The following ACTR5 variants were observed in gnomAD, a reference collection of about 807,000 sequenced individuals.
The protein encoded by ACTR5 is actin related protein 5, also known as actin-related protein 5.
In ACTR5, 43 loss-of-function variants were observed where a neutral mutation model predicts 61.2. That is an observed-to-expected ratio of 0.70 (90% CI 0.55 to 0.91). The LOEUF (loss-of-function observed/expected upper bound fraction) is 0.91, where lower values mean the gene tolerates loss of function less well. Ranked by LOEUF, ACTR5 falls within the 40% of genes least tolerant of loss-of-function variation. The pLI is 0.00. For synonymous variants in ACTR5, 333 were observed against 310.5 expected (o/e 1.07, Z -0.76); for missense variants, 798 against 782.2 (o/e 1.02, Z -0.24).
intron 5 of ACTR5, among the ~76,000 whole-genome samples, chr20:38,765,114 G>A (rs1032557817): frequency 6.6e-6 from 1 of 152,192 alleles, no homozygotes; most frequent in African/African-American, 2.4e-5. Flanking sequence ...AGTCTTCCAC[G>A]GGGCCCAGCC....
In ACTR5 at chr20:38,755,042, C is replaced by T. The variant is rs750199504; in HGVS notation, c.861C>T (p.Ser287=). ...QLPFSSKLLG[S]TLTSEEKQER... ...CATTTTCCAGCAAGCTCCTGGGCAGCACTCTGACCTCTGAGGAGAAACAAG... is the reference window on the plus strand; with the variant it reads ...CATTTTCCAGCAAGCTCCTGGGCAGTACTCTGACCTCTGAGGAGAAACAAG... The change falls in exon 4 of 9, where the codon AGC becomes AGT. Residue 287 remains serine, a synonymous_variant. Coordinates refer to ENST00000243903, the MANE Select transcript of ACTR5 (RefSeq NM_024855.4). 3.1e-6 allele frequency: 5 copies of T among 1,614,136 alleles called. No homozygotes were observed. The South Asian group carries it at 3.3e-5, about 11-fold the overall frequency.
chr20:38,752,318 T>A lies in ACTR5; in HGVS notation c.775+18T>A. The A allele has an allele frequency of 6.3e-7, 1 of 1,576,752 alleles. No homozygotes were observed. The highest frequency in any genetic ancestry group is 1.1e-5 in the South Asian group (1 of 88,630). On this transcript the variant is annotated intron_variant, in intron 3 of 8. Coordinates refer to ENST00000243903, the MANE Select transcript of ACTR5 (RefSeq NM_024855.4). ...TGTGGAAGGTATCCAAGAGGATGTTTGCCTGCAGCTTTTGGGTGTTGTCTA... is the reference window on the plus strand; with the variant it reads ...TGTGGAAGGTATCCAAGAGGATGTTAGCCTGCAGCTTTTGGGTGTTGTCTA...
At chr20:38,761,958 T>C (rs779876679) in intron 5 of ACTR5, 1 of 152,224 alleles carries the variant, frequency 6.6e-6, no homozygotes, top group Admixed American at 6.5e-5. Context: ...CCTGGGACTT[T>C]CTGCACTCCT....
intron 8 of ACTR5, among the ~76,000 whole-genome samples, chr20:38,770,575 T>C (rs1405199310): frequency 6.6e-6 from 1 of 152,258 alleles, no homozygotes; most frequent in Non-Finnish European, 1.5e-5. Context: ...TATGGCTGTA[T>C]AGTCTATTAA....
At chr20:38,768,129 AG>A (rs1403700757) in intron 8 of ACTR5, among the ~76,000 whole-genome samples, 1 of 152,044 alleles carries the variant, frequency 6.6e-6, no homozygotes, top group Non-Finnish European at 1.5e-5. Flanking sequence ...GTGTACATTC[AG>A]GGGGGCGTCT....
chr20:38,748,875 G>C, intron 1 of ACTR5, 22 bp downstream of exon 1: 3 of 1,590,728 alleles, frequency 1.9e-6, no homozygotes, highest in Non-Finnish European at 2.6e-6. Context: ...AGTAGGCTGG[G>C]CTGGGCTGGG....
At chr20:38,754,586 G>T (rs536061717) in intron 3 of ACTR5, among the ~76,000 whole-genome samples, 1 of 152,084 alleles carries the variant, frequency 6.6e-6, no homozygotes, top group East Asian at 2.0e-4. Flanking sequence ...GGGCATGGTG[G>T]CAGGCGTCTG....
chr20:38,760,988 G>A (rs1008025672), intron 5 of ACTR5, among the ~76,000 whole-genome samples: 3 of 152,042 alleles, frequency 2.0e-5, no homozygotes, highest in Admixed American at 2.0e-4. Context: ...GAGACGATGA[G>A]ATTTTGTTTT....
intron 5 of ACTR5, among the ~76,000 whole-genome samples, chr20:38,763,649 C>G (rs547699736): frequency 6.6e-6 from 1 of 152,360 alleles, no homozygotes; most frequent in African/African-American, 2.4e-5. Flanking sequence ...CCACTGCCTA[C>G]TAGTGTGATG....
Position 38,767,515 on chromosome 20 carries a change from C to T in ACTR5, c.1485C>T (p.Gly495=), listed in dbSNP as rs367992039. ...TGGTTCAGAACGTTTTCCTCACTGG[C>T]GGCAACACGATGTATCCTGGCATGA... is the stretch of plus-strand genomic sequence containing the variant. ...EMLVQNVFLT[G]GNTMYPGMKA... The change falls in exon 8 of 9, where the codon GGC becomes GGT. Residue 495 remains glycine (G), a synonymous_variant. Transcript: ENST00000243903. 39 of 1,613,994 alleles carry T rather than the reference C, an allele frequency of 2.4e-5. No homozygotes were observed. Among genetic ancestry groups the T allele is most frequent in the African/African-American group, 5.3e-5 (4 of 74,990 alleles).
intron 5 of ACTR5, among the ~76,000 whole-genome samples, chr20:38,757,979 T>G (rs750157141): frequency 3.3e-5 from 5 of 151,910 alleles, no homozygotes; most frequent in Non-Finnish European, 7.4e-5. Context: ...CCATGTTGTC[T>G]TTGTTATGTA....
chr20:38,762,562 A>G (rs1310259614), intron 5 of ACTR5, among the ~76,000 whole-genome samples: 1 of 152,184 alleles, frequency 6.6e-6, no homozygotes, highest in Non-Finnish European at 1.5e-5. Flanking sequence ...TTCTTTTAAA[A>G]ATATAATCTG....
At chr20:38,764,412 A>C (rs2084473233) in intron 5 of ACTR5, among the ~76,000 whole-genome samples, 1 of 152,222 alleles carries the variant, frequency 6.6e-6, no homozygotes, top group Admixed American at 6.5e-5. Context: ...ACAGATGGCT[A>C]AAGATGTCTT....
In ACTR5 at chr20:38,755,996, C is replaced by T. The variant is rs190086095; in HGVS notation, c.1133C>T (p.Ala378Val). 105 of 1,613,716 alleles carry T rather than the reference C, an allele frequency of 6.5e-5. No individual in the cohort carries two copies. In the South Asian group the frequency reaches 9.0e-4, roughly 14 times the overall value. The change falls in exon 5 of 9, where the codon GCG (alanine) becomes GTG (valine). Residue 378 changes from alanine (A) to valine (V), a missense_variant. Physicochemically the swap from Ala to Val is moderately conservative, Grantham distance 64. Transcript: ENST00000243903. ...CAGGCTAAGCAGAAAATCCTCCAAG[C>T]GGAAGTCAACCTCGAGGTGGATGTG... ...VEQAKQKILQ[A>V]EVNLEVDVVD...
At chr20:38,769,169 T>C (rs982473364) in intron 8 of ACTR5, among the ~76,000 whole-genome samples, 7 of 152,168 alleles carry the variant, frequency 4.6e-5, no homozygotes, top group Admixed American at 3.9e-4. Flanking sequence ...ACATGCTGGC[T>C]CCCTTTGCAT....
chr20:38,749,510 G>A (rs2084373633), intron 1 of ACTR5, among the ~76,000 whole-genome samples: 1 of 152,226 alleles, frequency 6.6e-6, no homozygotes, highest in Non-Finnish European at 1.5e-5. Flanking sequence ...TGGAGAGGCA[G>A]ATCACACACC....
chr20:38,755,834 G>C, intron 4 of ACTR5, 23 bp from the exon 5 acceptor site: 1 of 1,613,752 alleles, frequency 6.2e-7, no homozygotes, highest in Non-Finnish European at 8.5e-7. Flanking sequence ...TTTCCTTCCT[G>C]TTTGTGACTG....
rs190638142 is a variant in ACTR5 at position 38,767,368 on chromosome 20, T to G, written c.1434-96T>G. 147 of 1,123,506 alleles carry G rather than the reference T, an allele frequency of 1.3e-4. No homozygotes were observed. The African/African-American group carries it at 1.8e-3, about 14-fold the overall frequency. 69.6% of individuals were successfully genotyped at this position (1,123,506 alleles called of 1,614,324 possible). On this transcript the variant is annotated intron_variant, in intron 7 of 8. Coordinates refer to ENST00000243903, the MANE Select transcript of ACTR5 (RefSeq NM_024855.4). ...TTTTTTTTAGCTTTTTGTGTAGAAG[T>G]TTTTCTGTTTTGTACTGAGAGCTTA...
intron 5 of ACTR5, among the ~76,000 whole-genome samples, chr20:38,760,126 C>T (rs2084444794): frequency 6.7e-6 from 1 of 149,930 alleles, no homozygotes; most frequent in African/African-American, 2.5e-5. Context: ...TGCATTCCAA[C>T]CTGGGCAACA....
Sources: gnomAD v4.1 joint callset for allele counts (sites outside exome capture counted in the v4.1 genomes callset) on GRCh38, gnomAD v4.1.1 for gene constraint, MANE v1.5 for transcripts, NCBI Gene and HGNC (gene_info 2026-07-23, HGNC 2026-07-21) for gene names.